ABCC1: variants seen among roughly 807,000 people sequenced by gnomAD.
ABCC1 encodes multidrug resistance-associated protein 1.
In ABCC1, 83 loss-of-function variants were observed where a neutral mutation model predicts 172.9. That is an observed-to-expected ratio of 0.48 (90% CI 0.40 to 0.58). The LOEUF (loss-of-function observed/expected upper bound fraction) is 0.58, where lower values mean the gene tolerates loss of function less well. Among genes scored for constraint, ABCC1 ranks in the 20% least tolerant of loss-of-function variants. The pLI, the probability that ABCC1 is intolerant of heterozygous loss-of-function variation, is 0.00. For synonymous variants in ABCC1, 937 were observed against 825.2 expected, an observed-to-expected ratio of 1.14 and a Z score of -2.32; for missense variants, 1,817 against 2,002.7, an observed-to-expected ratio of 0.91 and a Z score of 1.77.
intron 12 of ABCC1, among the ~76,000 whole-genome samples, chr16:16,059,953 G>A (rs1024897310): frequency 2.6e-5 from 4 of 151,892 alleles, no homozygotes; most frequent in Non-Finnish European, 5.9e-5. Context: ...CTGAGGTCAC[G>A]CCACTGCACT....
At chr16:16,036,374 G>C (rs2048755885) in intron 6 of ABCC1, 98 bp from the exon 7 acceptor site, 8 of 1,158,170 alleles carry the variant, frequency 6.9e-6, no homozygotes, top group Non-Finnish European at 8.6e-6. Flanking sequence ...CTGCAGAGGG[G>C]AGCAGCATCA....
At chr16:16,126,717 G>A (rs150250752) in intron 26 of ABCC1, among the ~76,000 whole-genome samples, 3 of 152,202 alleles carry the variant, frequency 2.0e-5, no homozygotes, top group East Asian at 3.9e-4. Flanking sequence ...CTCCTGTTAC[G>A]GAAAATAATA....
At chr16:15,965,830 C>T (rs1399875170) in intron 1 of ABCC1, among the ~76,000 whole-genome samples, 1 of 151,148 alleles carries the variant, frequency 6.6e-6, no homozygotes. Flanking sequence ...CTCCTGACCT[C>T]AGGTGATCTG....
At chr16:16,038,270 T>C (rs541251927) in intron 7 of ABCC1, among the ~76,000 whole-genome samples, 1 of 152,116 alleles carries the variant, frequency 6.6e-6, no homozygotes, top group Non-Finnish European at 1.5e-5. Context: ...AGTCCCACCC[T>C]AGGTCATCTG....
At chr16:15,978,691 G>C (rs1651235189) in intron 1 of ABCC1, among the ~76,000 whole-genome samples, 1 of 151,982 alleles carries the variant, frequency 6.6e-6, no homozygotes, top group Admixed American at 6.6e-5. Context: ...TGGGTCTTCA[G>C]AGTCACTAAA....
At chr16:16,037,267 G>A (rs1738548332) in intron 7 of ABCC1, among the ~76,000 whole-genome samples, 4 of 152,160 alleles carry the variant, frequency 2.6e-5, no homozygotes, top group African/African-American at 9.7e-5. Flanking sequence ...AACATGCCCA[G>A]CTGACCACGT....
In ABCC1 at chr16:16,017,529, C is replaced by G. The variant is rs775763804; in HGVS notation, c.615+908C>G. On this transcript the variant is annotated intron_variant, in intron 5 of 30. Transcript: ENST00000399410. ...CAACCCATCATCTAGGAATCAAGCCCAGGATCCATTAGCTATTCCTCCTGA... is the reference window on the plus strand; with the variant it reads ...CAACCCATCATCTAGGAATCAAGCCGAGGATCCATTAGCTATTCCTCCTGA... Among the ~76,000 whole-genome samples the G allele has an allele frequency of 5.0e-4, 76 of 152,092 alleles. 4 individuals carry two copies. The highest frequency in any genetic ancestry group is 1.2e-4 in the Non-Finnish European group (8 of 68,032).
At chr16:16,055,649 T>C (rs2049618369) in intron 11 of ABCC1, among the ~76,000 whole-genome samples, 1 of 152,176 alleles carries the variant, frequency 6.6e-6, no homozygotes, top group South Asian at 2.1e-4. Flanking sequence ...CCTTCTTTTC[T>C]GTACACCTGA....
At chr16:16,042,203 A>G (rs2049003833) in intron 7 of ABCC1, among the ~76,000 whole-genome samples, 1 of 147,874 alleles carries the variant, frequency 6.8e-6, no homozygotes, top group Non-Finnish European at 1.5e-5. Flanking sequence ...TAAGTTAGAC[A>G]CAGTGAACAT....
intron 1 of ABCC1, among the ~76,000 whole-genome samples, chr16:15,971,787 A>C (rs58935695): frequency 1.3e-5 from 2 of 152,118 alleles, no homozygotes; most frequent in Admixed American, 6.6e-5. Context: ...CAACACACCA[A>C]AATGATACGG....
chr16:16,052,632 C>G, intron 10 of ABCC1, 92 bp from the exon 11 acceptor site: 2 of 1,226,942 alleles, frequency 1.6e-6, no homozygotes, highest in Non-Finnish European at 1.2e-6. Context: ...TGGTCAGCAG[C>G]ATCCACGTGG....
chr16:15,971,621 G>A (rs1432294066), intron 1 of ABCC1, among the ~76,000 whole-genome samples: 1 of 152,150 alleles, frequency 6.6e-6, no homozygotes, highest in Non-Finnish European at 1.5e-5. Context: ...CTACTTCCTG[G>A]TGAAAAGGGG....
intron 5 of ABCC1, among the ~76,000 whole-genome samples, chr16:16,026,974 T>C (rs2048398306): frequency 6.6e-6 from 1 of 152,096 alleles, no homozygotes; most frequent in African/African-American, 2.4e-5. Context: ...CTTGTTGCAT[T>C]TGCAGGGCAG....
rs61396501 is a variant in ABCC1 at position 15,984,448 on chromosome 16, C to CGT, written c.49-23368_49-23367insGT. ...TTTTTATTGTTTACCTTGATATATA[C>CGT]TTTTTTTTTTTTTGAGATAGAGTCT... On this transcript the variant is annotated intron_variant, in intron 1 of 30. Coordinates refer to ENST00000399410, the MANE Select transcript of ABCC1 (RefSeq NM_004996.4). Among the ~76,000 whole-genome samples, 16 of 146,934 alleles carry CGT rather than the reference C, an allele frequency of 1.1e-4. 4 individuals carry two copies. Among genetic ancestry groups the CGT allele is most frequent in the Non-Finnish European group, 1.2e-4 (8 of 66,854 alleles).
At chr16:15,981,453 C>A (rs1483324551) in intron 1 of ABCC1, among the ~76,000 whole-genome samples, 2 of 152,184 alleles carry the variant, frequency 1.3e-5, no homozygotes, top group East Asian at 3.8e-4. Context: ...AACCTTGATT[C>A]TTGACTTTTG....
At chr16:15,999,824 C>T (rs1196957886) in intron 1 of ABCC1, among the ~76,000 whole-genome samples, 1 of 18,586 alleles carries the variant, frequency 5.4e-5, no homozygotes, top group African/African-American at 1.8e-4. Context: ...CTCTCTCTCT[C>T]TCTCTCTCTG....
At chr16:16,112,413 T>A (rs981850319) in intron 22 of ABCC1, among the ~76,000 whole-genome samples, 1 of 151,848 alleles carries the variant, frequency 6.6e-6, no homozygotes, top group Non-Finnish European at 1.5e-5. Flanking sequence ...TTCTGTGTGG[T>A]CCTATGGGAG....
intron 14 of ABCC1, among the ~76,000 whole-genome samples, chr16:16,072,205 G>A (rs1262722357): frequency 6.7e-6 from 1 of 150,170 alleles, no homozygotes; most frequent in Non-Finnish European, 1.5e-5. Flanking sequence ...TTGAGACAGG[G>A]TCTCATTCCA....
intron 17 of ABCC1, among the ~76,000 whole-genome samples, chr16:16,084,896 C>G (rs1057394824): frequency 3.3e-5 from 5 of 152,226 alleles, no homozygotes; most frequent in African/African-American, 1.2e-4. Flanking sequence ...GCTGGGATTA[C>G]AGATGTTAAC....
Sources: allele counts gnomAD v4.1 joint callset (sites outside exome capture counted in the v4.1 genomes callset), GRCh38; gene constraint gnomAD v4.1.1; transcripts MANE v1.5; gene names NCBI Gene and HGNC (gene_info 2026-07-23, HGNC 2026-07-21).